ARHGEF28: variants seen among roughly 807,000 people sequenced by gnomAD.
ARHGEF28 encodes Rho guanine nucleotide exchange factor 28, also known as 190 kDa guanine nucleotide exchange factor.
In ARHGEF28, 152 loss-of-function variants were observed where a neutral mutation model predicts 206.6. The ratio of observed to expected loss-of-function variants is 0.74; its 90% CI spans 0.64 to 0.84. ARHGEF28 has a LOEUF of 0.84. ARHGEF28 is among the 40% of genes least tolerant of loss of function. ARHGEF28 has a pLI of 0.00. For missense variants in ARHGEF28, 2,028 were observed against 2,073.2 expected (o/e 0.98, Z 0.42); for synonymous variants, 763 against 776.4 (o/e 0.98, Z 0.29).
Position 73,798,081 on chromosome 5 carries a change from AT to A in ARHGEF28, c.1024+2698del, listed in dbSNP as rs941088866. Among the ~76,000 whole-genome samples, 27 of 151,442 alleles carry A rather than the reference AT, an allele frequency of 1.8e-4. No homozygotes were observed. The East Asian group carries it at 3.7e-3, about 21-fold the overall frequency. ...GTGTTTTATGCATTTATTGTTTTCTATTTTTTTTAAGTTGTTGTGGTACATT... is the reference window on the plus strand; with the variant it reads ...GTGTTTTATGCATTTATTGTTTTCTATTTTTTTAAGTTGTTGTGGTACATT... On this transcript the variant is annotated intron_variant, in intron 9 of 35. Transcript: ENST00000513042.
chr5:73,637,854 T>A (rs1408341930), intron 1 of ARHGEF28, among the ~76,000 whole-genome samples: 1 of 152,214 alleles, frequency 6.6e-6, no homozygotes, highest in Non-Finnish European at 1.5e-5. Context: ...TGGACCAGCG[T>A]GCTCTCAGCA....
At chr5:73,724,049 C>A (rs1750133010) in intron 2 of ARHGEF28, among the ~76,000 whole-genome samples, 1 of 152,208 alleles carries the variant, frequency 6.6e-6, no homozygotes, top group East Asian at 1.9e-4. Context: ...TCTGCGGGGG[C>A]ATCCCAGGCA....
intron 22 of ARHGEF28, among the ~76,000 whole-genome samples, chr5:73,876,986 A>G (rs1760543139): frequency 6.9e-6 from 1 of 144,060 alleles, no homozygotes; most frequent in Admixed American, 7.0e-5. Flanking sequence ...GAATAGTTTC[A>G]GAAGGAATGG....
intron 2 of ARHGEF28, among the ~76,000 whole-genome samples, chr5:73,710,905 T>A (rs1749202831): frequency 6.6e-6 from 1 of 152,150 alleles, no homozygotes; most frequent in Admixed American, 6.5e-5. Context: ...GGTTTTATCA[T>A]GTTGGCCAGG....
intron 2 of ARHGEF28, among the ~76,000 whole-genome samples, chr5:73,723,638 A>G (rs1272072456): frequency 6.6e-6 from 1 of 152,206 alleles, no homozygotes. Flanking sequence ...GAACAAAACA[A>G]AAAAACCAGT....
chr5:73,861,226 G>A (rs1384632209), intron 16 of ARHGEF28, among the ~76,000 whole-genome samples: 1 of 152,162 alleles, frequency 6.6e-6, no homozygotes, highest in Non-Finnish European at 1.5e-5. Context: ...CTCACTGAAA[G>A]GGAAACTTTT....
chr5:73,792,439 G>A (rs1351212584), intron 7 of ARHGEF28, among the ~76,000 whole-genome samples: 1 of 152,108 alleles, frequency 6.6e-6, no homozygotes, highest in Non-Finnish European at 1.5e-5. Context: ...TTAGCAATCT[G>A]GATAAAATGT....
At chr5:73,667,326 C>T (rs1177600174) in intron 1 of ARHGEF28, among the ~76,000 whole-genome samples, 4 of 149,276 alleles carry the variant, frequency 2.7e-5, no homozygotes, top group African/African-American at 9.9e-5. Context: ...TGGCCTGAGC[C>T]ACACTTGAGT....
At chr5:73,862,595 G>A (rs1356269149) in intron 16 of ARHGEF28, among the ~76,000 whole-genome samples, 3 of 151,970 alleles carry the variant, frequency 2.0e-5, no homozygotes, top group Non-Finnish European at 2.9e-5. Context: ...CTCTTTTAAT[G>A]TCAACTAATA....
intron 35 of ARHGEF28, among the ~76,000 whole-genome samples, chr5:73,917,969 C>T (rs1036777758): frequency 4.6e-5 from 7 of 152,166 alleles, no homozygotes; most frequent in Admixed American, 4.6e-4. Context: ...TGCCTTCAGT[C>T]ACAGTGACTG....
At chr5:73,698,150 C>T (rs1348341302) in intron 2 of ARHGEF28, among the ~76,000 whole-genome samples, 1 of 152,026 alleles carries the variant, frequency 6.6e-6, no homozygotes, top group Non-Finnish European at 1.5e-5. Flanking sequence ...ATTCAGATTC[C>T]TCTTATCCAG....
At chr5:73,704,276 T>C (rs1254790017) in intron 2 of ARHGEF28, among the ~76,000 whole-genome samples, 2 of 152,146 alleles carry the variant, frequency 1.3e-5, no homozygotes, top group African/African-American at 4.8e-5. Context: ...ATCATCTACC[T>C]GTTAGAAAGT....
At chr5:73,691,379 C>T (rs1441090137) in intron 2 of ARHGEF28, among the ~76,000 whole-genome samples, 2 of 151,932 alleles carry the variant, frequency 1.3e-5, no homozygotes, top group Non-Finnish European at 2.9e-5. Context: ...TGGACAGGAC[C>T]CCATTTCCCC....
chr5:73,753,073 C>T lies in ARHGEF28; in HGVS notation c.346C>T (p.Gln116Ter). 1 of 1,610,202 alleles carries T rather than the reference C, an allele frequency of 6.2e-7. No individual in the cohort carries two copies. The highest frequency in any genetic ancestry group is 1.1e-5 in the South Asian group (1 of 90,148). Residue 116 changes from glutamine to a stop codon, truncating the protein, a stop_gained, in exon 4 of 36, where the codon CAG becomes TAG. Coordinates refer to ENST00000513042, the MANE Select transcript of ARHGEF28 (RefSeq NM_001177693.2). LOFTEE classifies it high-confidence loss of function. ...QANRLTACSH[Q>*]TLLTPFALTA... is the part of the protein sequence containing the mutation. Reference sequence around the variant, plus strand: ...CAATCGCCTCACAGCCTGCAGCCACCAGACCCTGCTGACCCCATTTGCCTT... The same window carrying T: ...CAATCGCCTCACAGCCTGCAGCCACTAGACCCTGCTGACCCCATTTGCCTT...
chr5:73,628,630 A>C (rs1259983275), intron 1 of ARHGEF28, among the ~76,000 whole-genome samples: 2 of 152,210 alleles, frequency 1.3e-5, no homozygotes, highest in African/African-American at 4.8e-5. Context: ...ACCTTAAATA[A>C]GATTTGTTAT....
In ARHGEF28 at chr5:73,911,516, C is replaced by T. The variant is rs1157254482; in HGVS notation, c.4889C>T (p.Ala1630Val). Residue 1630 changes from alanine (A) to valine (V), a missense_variant, in exon 35 of 36, where the codon GCT (alanine) becomes GTT (valine). By Grantham distance (64) the Ala-to-Val change is moderately conservative (BLOSUM62 0). This residue lies in a region of ARHGEF28 where 803 missense variants were observed against 768.0 expected (regional missense o/e 1.05). Coordinates refer to ENST00000513042, the MANE Select transcript of ARHGEF28 (RefSeq NM_001177693.2). ...SNVSHKLWTAAGSGHQILPFH... is the reference protein window; with the variant it reads ...SNVSHKLWTAVGSGHQILPFH... ...GTCAGTCACAAACTGTGGACAGCCG[C>T]TGGTTCCGGCCATCAGATACTTCCT... 1.9e-6 allele frequency: 3 copies of T among 1,613,316 alleles called. No individual in the cohort carries two copies. Among genetic ancestry groups the T allele is most frequent in the Non-Finnish European group, 1.7e-6 (2 of 1,179,636 alleles).
chr5:73,791,311 C>T (rs1754470928), intron 7 of ARHGEF28, among the ~76,000 whole-genome samples: 2 of 152,182 alleles, frequency 1.3e-5, no homozygotes, highest in South Asian at 4.1e-4. Flanking sequence ...ACCATGTATG[C>T]CAGAGAGGCA....
intron 1 of ARHGEF28, 108 bp from the exon 2 acceptor site, chr5:73,684,733 C>A: frequency 2.5e-6 from 2 of 798,320 alleles, no homozygotes; most frequent in Non-Finnish European, 3.9e-6. Flanking sequence ...GTTTTCCTAT[C>A]TAATGAGTTT....
intron 35 of ARHGEF28, among the ~76,000 whole-genome samples, chr5:73,937,910 C>T (rs964273424): frequency 4.6e-5 from 7 of 152,200 alleles, no homozygotes; most frequent in Admixed American, 2.0e-4. Context: ...AATCACCAAA[C>T]GGTTTCTAAT....
Sources: allele counts gnomAD v4.1 joint callset (sites outside exome capture counted in the v4.1 genomes callset), GRCh38; gene constraint gnomAD v4.1.1; regional missense constraint gnomAD v4.1.1; transcripts MANE v1.5; gene names NCBI Gene and HGNC (gene_info 2026-07-23, HGNC 2026-07-21).